The following MTX2 variants were observed in gnomAD, a reference collection of about 807,000 sequenced individuals.
The protein encoded by MTX2 is metaxin 2.
Under a neutral mutation model 42.3 loss-of-function variants are expected in MTX2, and 35 were observed. The observed-to-expected ratio is 0.83, with a 90% CI of 0.63 to 1.10. The LOEUF is 1.10. Ranked by LOEUF, MTX2 falls within the 50% of genes least tolerant of loss-of-function variation. MTX2 has a pLI of 0.00. For missense variants in MTX2, 307 were observed against 304.1 expected (o/e 1.01, Z -0.07); for synonymous variants, 119 against 100.9 (o/e 1.18, Z -1.08).
chr2:176,332,462 A>G (rs1458752428), intron 9 of MTX2, among the ~76,000 whole-genome samples: 1 of 151,296 alleles, frequency 6.6e-6, no homozygotes, highest in Admixed American at 6.6e-5. Context: ...TAATTTCTCT[A>G]TGTGTATGCC....
chr2:176,282,264 T>C (rs1693099174), intron 1 of MTX2, among the ~76,000 whole-genome samples: 2 of 149,828 alleles, frequency 1.3e-5, no homozygotes, highest in Admixed American at 1.4e-4. Flanking sequence ...GTGCTGGGGG[T>C]ACAAAAATAA....
Position 176,326,880 on chromosome 2 carries a change from AG to A in MTX2, c.265del (p.Val89SerfsTer23). ...NQVVSELGPI[V>X]QFVKAKGHSL... ...AAGTAGTATCAGAACTTGGTCCAAT[AG>A]TCCAATTTGTTAAAGCCAAGGTAAT... is the stretch of plus-strand genomic sequence containing the variant. On this transcript the variant is annotated frameshift_variant, in exon 5 of 10. Coordinates refer to ENST00000249442, the MANE Select transcript of MTX2 (RefSeq NM_006554.5). LOFTEE classifies it high-confidence loss of function. 3.8e-6 allele frequency: 6 copies of A among 1,569,162 alleles called. No individual in the cohort carries two copies. Among genetic ancestry groups the A allele is most frequent in the Non-Finnish European group, 5.2e-6 (6 of 1,151,860 alleles).
At chr2:176,281,646 T>C (rs1257957844) in intron 1 of MTX2, among the ~76,000 whole-genome samples, 2 of 152,310 alleles carry the variant, frequency 1.3e-5, no homozygotes, top group South Asian at 4.2e-4. Context: ...TAGGAATTAC[T>C]GTTGTGGACG....
chr2:176,294,278 CTT>C (rs750682515), intron 1 of MTX2, among the ~76,000 whole-genome samples: 37 of 125,290 alleles, frequency 3.0e-4, no homozygotes, highest in Middle Eastern at 8.3e-3. Flanking sequence ...GATGAATTAA[CTT>C]TTTTTTTTTT....
chr2:176,269,483 C>G lies in MTX2; in HGVS notation c.-147C>G. 1 of 897,164 alleles carries G rather than the reference C, an allele frequency of 1.1e-6. No homozygotes were observed. The highest frequency in any genetic ancestry group is 1.9e-5 in the South Asian group (1 of 53,422). The allele number at this position is 897,164 out of a possible 1,614,324, so 55.6% of individuals were successfully genotyped here. On this transcript the variant is annotated 5_prime_UTR_variant, in exon 1 of 10. Coordinates refer to ENST00000249442, the MANE Select transcript of MTX2 (RefSeq NM_006554.5). ...GGCGGTAACCTTGGGGGCCTCACTG[C>G]AGCCGCCGCTGCTGTTGGAGTGGGC...
chr2:176,280,199 T>G (rs1344296074), intron 1 of MTX2, among the ~76,000 whole-genome samples: 2 of 152,106 alleles, frequency 1.3e-5, no homozygotes, highest in African/African-American at 4.8e-5. Flanking sequence ...ATTGGAGATA[T>G]AGTGAGATTT....
At chr2:176,324,087 C>A (rs1684647179) in intron 4 of MTX2, among the ~76,000 whole-genome samples, 1 of 151,236 alleles carries the variant, frequency 6.6e-6, no homozygotes, top group Non-Finnish European at 1.5e-5. Context: ...TGCTACAAAG[C>A]TGATAAATAA....
chr2:176,330,334 T>TTA lies in MTX2; in HGVS notation c.544-239_544-238dup, dbSNP rs764182734. The stretch of plus-strand genomic sequence containing the variant: ...CTTCCTATTTCTTGTATACAAAGTA[T>TTA]TATATATATATACTTATATAGAAAG... On this transcript the variant is annotated intron_variant, in intron 8 of 9. Transcript: ENST00000249442. Among the ~76,000 whole-genome samples the TTA allele has an allele frequency of 9.3e-3, 1,351 of 145,826 alleles. 11 individuals are homozygous for TTA. The highest frequency in any genetic ancestry group is 0.013 in the Non-Finnish European group (857 of 64,432).
intron 3 of MTX2, among the ~76,000 whole-genome samples, chr2:176,298,865 C>T (rs1683956166): frequency 6.6e-6 from 1 of 151,930 alleles, no homozygotes; most frequent in South Asian, 2.1e-4. Context: ...TGGGGATAAC[C>T]CTTTCAGGAT....
At position 176,269,456 on chromosome 2, in the gene MTX2, C is replaced by T. The variant is rs972626157; in HGVS notation, c.-174C>T. The T allele has an allele frequency of 1.1e-5, 7 of 665,162 alleles. No homozygotes were observed. The highest frequency in any genetic ancestry group is 1.6e-5 in the Non-Finnish European group (7 of 425,144). The allele number at this position is 665,162 out of a possible 1,614,324, so 41.2% of individuals were successfully genotyped here. ...CTGCGCCGGAAGTCCCTAGCCAGGC[C>T]TGGCGGTAACCTTGGGGGCCTCACT... On this transcript the variant is annotated 5_prime_UTR_variant, in exon 1 of 10. Coordinates refer to ENST00000249442, the MANE Select transcript of MTX2 (RefSeq NM_006554.5).
chr2:176,307,623 C>T (rs910381879), intron 3 of MTX2, among the ~76,000 whole-genome samples: 3 of 152,064 alleles, frequency 2.0e-5, no homozygotes, highest in African/African-American at 7.3e-5. Context: ...CTTCACATCC[C>T]TTGTAAGTTG....
intron 1 of MTX2, among the ~76,000 whole-genome samples, chr2:176,289,884 G>A (rs1203247520): frequency 6.6e-6 from 1 of 152,000 alleles, no homozygotes; most frequent in African/African-American, 2.4e-5. Flanking sequence ...TATTGTAGAT[G>A]TCATCTTCAG....
chr2:176,295,467 A>G (rs929013297), intron 1 of MTX2, among the ~76,000 whole-genome samples: 1 of 152,114 alleles, frequency 6.6e-6, no homozygotes, highest in Non-Finnish European at 1.5e-5. Flanking sequence ...GTTGACAGCA[A>G]AATATTTTGT....
At chr2:176,293,241 G>GA (rs532502661) in intron 1 of MTX2, among the ~76,000 whole-genome samples, 156 of 152,014 alleles carry the variant, frequency 1.0e-3, no homozygotes, top group African/African-American at 3.4e-3. Flanking sequence ...TCAGTCTTAA[G>GA]AAAAAAATGC....
chr2:176,322,830 G>T (rs1684617084), intron 3 of MTX2, among the ~76,000 whole-genome samples: 2 of 151,730 alleles, frequency 1.3e-5, no homozygotes, highest in African/African-American at 4.8e-5. Flanking sequence ...CATTTAAATT[G>T]CTTATAACAT....
intron 1 of MTX2, among the ~76,000 whole-genome samples, chr2:176,296,306 C>T (rs979824409): frequency 6.6e-6 from 1 of 152,104 alleles, no homozygotes; most frequent in African/African-American, 2.4e-5. Flanking sequence ...ATGAAATCTT[C>T]TGGAATACAA....
At chr2:176,333,246 A>G (rs1362761162) in intron 9 of MTX2, among the ~76,000 whole-genome samples, 1 of 151,628 alleles carries the variant, frequency 6.6e-6, no homozygotes, top group African/African-American at 2.4e-5. Context: ...ATCACAAACT[A>G]TTTGGTAAGC....
At chr2:176,296,781 T>C in intron 1 of MTX2, 79 bp from the exon 2 acceptor site, 3 of 1,424,888 alleles carry the variant, frequency 2.1e-6, no homozygotes, top group Non-Finnish European at 3.0e-6. Flanking sequence ...TGTAGGCAAA[T>C]GTACATGCTT....
Position 176,307,132 on chromosome 2 carries a change from C to G in MTX2, c.135+9237C>G, listed in dbSNP as rs554902097. 6.6e-5 allele frequency among the ~76,000 whole-genome samples: 10 copies of G among 152,308 alleles called. No individual in the cohort carries two copies. In the East Asian group the frequency reaches 1.9e-3, roughly 29 times the overall value. On this transcript the variant is annotated intron_variant, in intron 3 of 9. Transcript: ENST00000249442. Reference sequence around the variant, plus strand: ...GTTTCAGCTTTCTACATATGGCTAGCCAGTTTTCCCAGCACCATTTATTAA... The same window carrying G: ...GTTTCAGCTTTCTACATATGGCTAGGCAGTTTTCCCAGCACCATTTATTAA...
Sources: gnomAD v4.1 joint callset for allele counts (sites outside exome capture counted in the v4.1 genomes callset) on GRCh38, gnomAD v4.1.1 for gene constraint, MANE v1.5 for transcripts, NCBI Gene and HGNC (gene_info 2026-07-23, HGNC 2026-07-21) for gene names.